Variants in LINGO2 observed in about 807,000 individuals in gnomAD.
The protein encoded by LINGO2 is leucine rich repeat and Ig domain containing 2.
LINGO2 carries 14 observed loss-of-function variants against 30.6 expected under a neutral mutation model. The observed-to-expected ratio is 0.46, with a 90% confidence interval of 0.30 to 0.72. The LOEUF (loss-of-function observed/expected upper bound fraction) is 0.72. Ranked by LOEUF, LINGO2 falls within the 30% of genes least tolerant of loss-of-function variation. The pLI, the probability that LINGO2 is intolerant of heterozygous loss-of-function variation, is 0.07. For missense variants in LINGO2, 729 were observed against 751.7 expected (o/e 0.97, Z 0.35); for synonymous variants, 317 against 288.5 (o/e 1.10, Z -1.00).
intron 4 of LINGO2, among the ~76,000 whole-genome samples, chr9:28,040,831 C>T (rs951207505): frequency 2.0e-5 from 3 of 152,118 alleles, no homozygotes; most frequent in Non-Finnish European, 4.4e-5. Context: ...CCAAAATTCA[C>T]TTATTTTCCC....
intron 1 of LINGO2, among the ~76,000 whole-genome samples, chr9:28,559,643 A>C (rs1380014382): frequency 6.6e-6 from 1 of 152,154 alleles, no homozygotes; most frequent in African/African-American, 2.4e-5. Flanking sequence ...TGTAACTTAC[A>C]TAAGAAATAC....
chr9:28,289,243 C>T (rs1823631764), intron 4 of LINGO2, among the ~76,000 whole-genome samples: 1 of 152,130 alleles, frequency 6.6e-6, no homozygotes, highest in Admixed American at 6.5e-5. Context: ...AACTATAAAA[C>T]TATAATATAT....
chr9:28,715,115 C>T, the LINGO2 span, among the ~76,000 whole-genome samples: 2 of 152,134 alleles, frequency 1.3e-5, no homozygotes, highest in African/African-American at 4.8e-5. Flanking sequence ...CAGACTCCAA[C>T]CCAAGACTGC....
the LINGO2 span, among the ~76,000 whole-genome samples, chr9:29,004,769 C>G: frequency 6.6e-6 from 1 of 151,910 alleles, no homozygotes; most frequent in Non-Finnish European, 1.5e-5. Flanking sequence ...CAGACACACA[C>G]ACACACAAAA....
intron 3 of LINGO2, among the ~76,000 whole-genome samples, chr9:28,369,680 T>C (rs1587555699): frequency 6.6e-6 from 1 of 151,624 alleles, no homozygotes; most frequent in East Asian, 1.9e-4. Context: ...GAAAGGAGAG[T>C]GAGATACATA....
At chr9:28,978,709 GC>G in the LINGO2 span, among the ~76,000 whole-genome samples, 1 of 151,962 alleles carries the variant, frequency 6.6e-6, no homozygotes, top group Admixed American at 6.6e-5. Flanking sequence ...AAGCTTTTCT[GC>G]TTTAATCAAT....
chr9:28,519,891 T>C (rs1820767521), intron 1 of LINGO2, among the ~76,000 whole-genome samples: 1 of 152,200 alleles, frequency 6.6e-6, no homozygotes, highest in African/African-American at 2.4e-5. Context: ...TTTCTGGATG[T>C]CTTATGGTTT....
At chr9:28,474,703 A>C (rs1400458516) in intron 2 of LINGO2, among the ~76,000 whole-genome samples, 1 of 152,174 alleles carries the variant, frequency 6.6e-6, no homozygotes, top group Non-Finnish European at 1.5e-5. Context: ...GAAGTCCTGG[A>C]CTAGGAGATG....
the LINGO2 span, among the ~76,000 whole-genome samples, chr9:28,881,196 G>A: frequency 6.6e-6 from 1 of 152,042 alleles, no homozygotes; most frequent in East Asian, 1.9e-4. Context: ...CAGGTGTGGA[G>A]GGGCAGGCCA....
At chr9:28,067,322 A>C (rs943338100) in intron 4 of LINGO2, among the ~76,000 whole-genome samples, 34 of 152,186 alleles carry the variant, frequency 2.2e-4, no homozygotes, top group Non-Finnish European at 8.8e-5. Flanking sequence ...TTGCATATTT[A>C]CCAAAACTTA....
chr9:28,698,658 G>A, the LINGO2 span, among the ~76,000 whole-genome samples: 1 of 151,658 alleles, frequency 6.6e-6, no homozygotes, highest in Non-Finnish European at 1.5e-5. Context: ...GGACTTTCAG[G>A]TTAGTTTCAC....
chr9:28,434,484 C>T (rs1430642432), intron 2 of LINGO2, among the ~76,000 whole-genome samples: 2 of 149,692 alleles, frequency 1.3e-5, no homozygotes, highest in African/African-American at 4.9e-5. Flanking sequence ...TTCTCTATAA[C>T]TATCTATCTT....
chr9:29,100,750 T>C, the LINGO2 span, among the ~76,000 whole-genome samples: 7 of 152,190 alleles, frequency 4.6e-5, no homozygotes, highest in Non-Finnish European at 7.3e-5. Flanking sequence ...AAAGGATACA[T>C]GCTTGAGGAG....
At position 28,224,385 on chromosome 9, in the gene LINGO2, A is replaced by G. The variant is rs142425672; in HGVS notation, c.-87+70823T>C. Among the ~76,000 whole-genome samples the G allele has an allele frequency of 7.2e-5, 11 of 152,276 alleles. No individual in the cohort carries two copies. In the East Asian group the frequency reaches 2.1e-3, roughly 29 times the overall value. On this transcript the variant is annotated intron_variant, in intron 4 of 5. Coordinates refer to ENST00000379992, the Ensembl canonical transcript of LINGO2. ...GGCCCAGAATTTTTTATTGTTACAT[A>G]ATAGATGTACATTTATAAGGGTACA... is the stretch of plus-strand genomic sequence containing the variant.
At chr9:28,243,643 A>T (rs1445065940) in intron 4 of LINGO2, among the ~76,000 whole-genome samples, 1 of 151,984 alleles carries the variant, frequency 6.6e-6, no homozygotes, top group Non-Finnish European at 1.5e-5. Context: ...AAACAAACAA[A>T]AAAACAAAAA....
At chr9:28,161,484 AT>A (rs1182586918) in intron 4 of LINGO2, among the ~76,000 whole-genome samples, 3 of 152,200 alleles carry the variant, frequency 2.0e-5, no homozygotes, top group African/African-American at 7.2e-5. Context: ...ACACAACCTT[AT>A]TAAAAATTAT....
At chr9:28,795,409 T>C in the LINGO2 span, among the ~76,000 whole-genome samples, 1 of 152,134 alleles carries the variant, frequency 6.6e-6, no homozygotes, top group South Asian at 2.1e-4. Flanking sequence ...AAAAGCAGCG[T>C]TAGATTCTAG....
At chr9:28,757,712 T>G in the LINGO2 span, among the ~76,000 whole-genome samples, 2 of 151,944 alleles carry the variant, frequency 1.3e-5, no homozygotes, top group African/African-American at 2.4e-5. Context: ...AGGAGCCAGT[T>G]AGGACCTCTA....
intron 5 of LINGO2, among the ~76,000 whole-genome samples, chr9:27,964,300 C>T (rs1025409001): frequency 5.3e-5 from 8 of 152,024 alleles, no homozygotes; most frequent in South Asian, 2.1e-4. Flanking sequence ...TTCAGTGGCT[C>T]ACGCAAGTAG....
Sources: allele counts gnomAD v4.1 joint callset (sites outside exome capture counted in the v4.1 genomes callset), GRCh38; gene constraint gnomAD v4.1.1; transcripts MANE v1.5; gene names NCBI Gene and HGNC (gene_info 2026-07-23, HGNC 2026-07-21).